Variants in COPS2 observed in about 807,000 individuals in gnomAD.
The protein encoded by COPS2 is COP9 signalosome subunit 2.
Under a neutral mutation model 66.1 loss-of-function variants are expected in COPS2, and 10 were observed. The ratio of observed to expected loss-of-function variants is 0.15; its 90% confidence interval spans 0.09 to 0.26. The LOEUF (loss-of-function observed/expected upper bound fraction) is 0.26. Among genes scored for constraint, COPS2 ranks in the 10% least tolerant of loss-of-function variants. COPS2 has a pLI of 1.00. For missense variants in COPS2, 215 were observed against 513.3 expected (o/e 0.42, Z 5.62); for synonymous variants, 179 against 171.3 (o/e 1.04, Z -0.35).
At chr15:49,141,357 T>C (rs2084288598) in intron 3 of COPS2, among the ~76,000 whole-genome samples, 2 of 151,782 alleles carry the variant, frequency 1.3e-5, no homozygotes, top group Non-Finnish European at 1.5e-5. Context: ...ATTAGTCAGG[T>C]GTGGTGGCAT....
At chr15:49,129,284 T>A (rs1262292015) in intron 11 of COPS2, among the ~76,000 whole-genome samples, 193 bp downstream of exon 11, 3 of 151,346 alleles carry the variant, frequency 2.0e-5, no homozygotes, top group Non-Finnish European at 4.4e-5. Context: ...CAGCCTGGGC[T>A]ATACAGCAAG....
At position 49,129,507 on chromosome 15, in the gene COPS2, G is replaced by A. The variant is rs2084193722; in HGVS notation, c.1098C>T (p.Tyr366=). Residue 366 remains tyrosine (Y), a synonymous_variant, in exon 11 of 13, where the codon TAC becomes TAT. Transcript: ENST00000388901. ...TQVLIKLIKP[Y]TRIHIPFISK... is the part of the protein sequence containing the mutation. Reference sequence around the variant, plus strand: ...AAATAAAAGGAATATGTATTCTTGTGTAAGGCTTAATTAATTTTATAAGCA... The same window carrying A: ...AAATAAAAGGAATATGTATTCTTGTATAAGGCTTAATTAATTTTATAAGCA... 3 of 1,497,938 alleles carry A rather than the reference G, an allele frequency of 2.0e-6. No homozygotes were observed. In the East Asian group the frequency reaches 7.4e-5, roughly 37 times the overall value. The allele number at this position is 1,497,938 out of a possible 1,614,324, so 92.8% of individuals were successfully genotyped here.
intron 1 of COPS2, among the ~76,000 whole-genome samples, chr15:49,150,342 C>T (rs1450469446): frequency 6.6e-6 from 1 of 151,748 alleles, no homozygotes; most frequent in Non-Finnish European, 1.5e-5. Flanking sequence ...TTTTTCCCAC[C>T]TAACAAAATT....
rs2084261836 is a variant in COPS2 at position 49,137,497 on chromosome 15, G to A, written c.373-60C>T. On this transcript the variant is annotated intron_variant, in intron 4 of 12. Transcript: ENST00000388901. Reference sequence around the variant, plus strand: ...CAGCAAATTTGTACCTGTTAATAAAGTTAATTTGAACAAACTAAAAGTGCA... The same window carrying A: ...CAGCAAATTTGTACCTGTTAATAAAATTAATTTGAACAAACTAAAAGTGCA... 2.5e-6 allele frequency: 3 copies of A among 1,224,070 alleles called. No individual in the cohort carries two copies. In the East Asian group the frequency reaches 7.0e-5, roughly 28 times the overall value. 75.8% of individuals were successfully genotyped at this position (1,224,070 alleles called of 1,614,324 possible). A position where few individuals can be genotyped will look rare whatever the true frequency, so the allele number is the denominator to read the frequency against.
chr15:49,128,271 A>G (rs1268558356), intron 12 of COPS2, among the ~76,000 whole-genome samples, 177 bp from the exon 13 acceptor site: 1 of 152,220 alleles, frequency 6.6e-6, no homozygotes, highest in Admixed American at 6.5e-5. Context: ...GATAGAAACC[A>G]GATTTCAGAT....
At chr15:49,128,958 G>T (rs1380847431) in intron 11 of COPS2, among the ~76,000 whole-genome samples, 198 bp from the exon 12 acceptor site, 1 of 152,082 alleles carries the variant, frequency 6.6e-6, no homozygotes, top group East Asian at 1.9e-4. Flanking sequence ...AACTTCTGAA[G>T]CACATTCCTG....
chr15:49,138,383 C>T (rs1353055964), intron 4 of COPS2, among the ~76,000 whole-genome samples: 1 of 152,142 alleles, frequency 6.6e-6, no homozygotes, highest in Non-Finnish European at 1.5e-5. Flanking sequence ...GTACCACCCA[C>T]CCAATATCTG....
chr15:49,141,266 C>G (rs1312103211), intron 3 of COPS2, among the ~76,000 whole-genome samples: 1 of 152,132 alleles, frequency 6.6e-6, no homozygotes, highest in East Asian at 1.9e-4. Flanking sequence ...CTTTGAGAGG[C>G]TGTGAGCATT....
At chr15:49,153,240 A>C (rs1194986078) in intron 1 of COPS2, among the ~76,000 whole-genome samples, 1 of 152,202 alleles carries the variant, frequency 6.6e-6, no homozygotes, top group Non-Finnish European at 1.5e-5. Context: ...AGCCTGAGTA[A>C]CACAGCAAAA....
intron 1 of COPS2, among the ~76,000 whole-genome samples, chr15:49,151,549 G>A (rs1377698432): frequency 2.0e-5 from 3 of 152,072 alleles, no homozygotes; most frequent in Non-Finnish European, 4.4e-5. Flanking sequence ...TTGGACTGCG[G>A]AATTAAAACA....
At chr15:49,130,682 A>G in intron 10 of COPS2, 37 bp downstream of exon 10, 1 of 1,269,072 alleles carries the variant, frequency 7.9e-7, no homozygotes, top group Non-Finnish European at 1.1e-6. Flanking sequence ...ACAGTGGCAA[A>G]GAAAGTAATA....
chr15:49,130,452 A>G (rs2084199245), intron 10 of COPS2, among the ~76,000 whole-genome samples: 1 of 152,154 alleles, frequency 6.6e-6, no homozygotes, highest in South Asian at 2.1e-4. Context: ...CAGCATCTAT[A>G]TTAGATTTTT....
intron 3 of COPS2, among the ~76,000 whole-genome samples, chr15:49,142,519 A>G (rs1274286454): frequency 6.6e-6 from 1 of 152,210 alleles, no homozygotes; most frequent in Non-Finnish European, 1.5e-5. Context: ...TGGGAAATAC[A>G]AAAACAGGGG....
Position 49,144,354 on chromosome 15 carries a change from T to C in COPS2, c.169-50A>G, listed in dbSNP as rs2084307819. On this transcript the variant is annotated intron_variant, in intron 2 of 12. Transcript: ENST00000388901. The stretch of plus-strand genomic sequence containing the variant: ...TTTATCTTAATATTAACACATTATT[T>C]TCTAATGATGCCCAATGTGTAAGTA... 4 of 1,029,392 alleles carry C rather than the reference T, an allele frequency of 3.9e-6. No individual in the cohort carries two copies. The East Asian group carries it at 7.1e-5, about 18-fold the overall frequency. The allele number at this position is 1,029,392 out of a possible 1,614,324, so 63.8% of individuals were successfully genotyped here. A position where few individuals can be genotyped will look rare whatever the true frequency, so the allele number is the denominator to read the frequency against.
intron 1 of COPS2, among the ~76,000 whole-genome samples, chr15:49,154,529 T>G (rs922657610): frequency 6.6e-6 from 1 of 152,172 alleles, no homozygotes; most frequent in Admixed American, 6.5e-5. Context: ...GCACTTAAAA[T>G]GAGTCAGACG....
Position 49,134,368 on chromosome 15 carries a change from A to G in COPS2, c.687T>C (p.Pro229=), listed in dbSNP as rs2084235983. Residue 229 remains proline (P), a synonymous_variant, in exon 7 of 13, where the codon CCT becomes CCC. Transcript: ENST00000388901. ...TGATAACTCCCATAATCAGTGGATG[A>G]GGGATGGCAGACTTGATGTGAAGTG... ...EQSLHIKSAI[P]HPLIMGVIRE... 8 of 1,613,666 alleles carry G rather than the reference A, an allele frequency of 5.0e-6. No homozygotes were observed. Among genetic ancestry groups the G allele is most frequent in the Non-Finnish European group, 6.8e-6 (8 of 1,179,902 alleles).
rs1445816638 is a variant in COPS2, at chr15:49,124,858, C to T, written c.*3092G>A. The T allele has an allele frequency of 6.6e-6, 1 of 151,914 alleles. No homozygotes were observed. The highest frequency in any genetic ancestry group is 1.5e-5 in the Non-Finnish European group (1 of 67,994). The allele number at this position is 151,914 out of a possible 1,614,324, so 9.4% of individuals were successfully genotyped here. On this transcript the variant is annotated 3_prime_UTR_variant, in exon 13 of 13. Coordinates refer to ENST00000388901, the MANE Select transcript of COPS2 (RefSeq NM_004236.4). ...AAATTAATGATTACAGATCTCTGAG[C>T]TTCTTAAAAAGAGGTAAAGGGAATC...
In COPS2 at chr15:49,155,589, A is replaced by AG. The variant is rs759205042; in HGVS notation, c.-12dup. Reference sequence around the variant, plus strand: ...CTCCATGTCAGACATCTTGGCCGGGAGGGGGAGGAGAAATTGGAGACAACC... The same window carrying AG: ...CTCCATGTCAGACATCTTGGCCGGGAGGGGGGAGGAGAAATTGGAGACAACC... On this transcript the variant is annotated 5_prime_UTR_variant, in exon 1 of 13. Transcript: ENST00000388901. The AG allele has an allele frequency of 3.1e-5, 50 of 1,613,766 alleles. No homozygotes were observed. The highest frequency in any genetic ancestry group is 6.7e-5 in the Admixed American group (4 of 60,004).
At chr15:49,143,964 T>G in intron 3 of COPS2, among the ~76,000 whole-genome samples, 1 of 143,916 alleles carries the variant, frequency 6.9e-6, no homozygotes, top group Non-Finnish European at 1.5e-5. Context: ...CCAGCCTGGG[T>G]GACAGAGCGG....
Sources: allele counts gnomAD v4.1 joint callset (sites outside exome capture counted in the v4.1 genomes callset), GRCh38; gene constraint gnomAD v4.1.1; transcripts MANE v1.5; gene names NCBI Gene and HGNC (gene_info 2026-07-23, HGNC 2026-07-21).